Variants in FAM186A observed in about 807,000 individuals in gnomAD.
FAM186A encodes the protein family with sequence similarity 186 member A.
A neutral mutation model predicts 216.8 loss-of-function variants in FAM186A; 163 were observed. That is an observed-to-expected ratio of 0.75 (90% CI 0.66 to 0.86). The LOEUF is 0.86. FAM186A is among the 40% of genes least tolerant of loss of function. The pLI is 0.00. For synonymous variants in FAM186A, 805 were observed against 1,025.3 expected, an observed-to-expected ratio of 0.79 and a Z score of 4.10; for missense variants, 2,184 against 2,746.2, an observed-to-expected ratio of 0.80 and a Z score of 4.58.
chr12:50,378,649 T>C (rs1033777579), intron 1 of FAM186A, among the ~76,000 whole-genome samples: 14 of 147,116 alleles, frequency 9.5e-5, no homozygotes, highest in Admixed American at 2.1e-4. Flanking sequence ...TACATATATA[T>C]ACACACACAC....
At chr12:50,372,886 A>T (rs1943154768) in intron 1 of FAM186A, among the ~76,000 whole-genome samples, 1 of 143,320 alleles carries the variant, frequency 7.0e-6, no homozygotes, top group South Asian at 2.4e-4. Flanking sequence ...CCTGGGCGAC[A>T]GAGCAAGACT....
intron 1 of FAM186A, among the ~76,000 whole-genome samples, chr12:50,378,640 A>G (rs528066511): frequency 4.3e-4 from 64 of 147,856 alleles, no homozygotes; most frequent in Admixed American, 9.6e-4. Flanking sequence ...ATATACACAT[A>G]CATATATATA....
rs767531210 is a variant in FAM186A at position 50,334,083 on chromosome 12, A to C, written c.6524T>G (p.Leu2175Arg). The change falls in exon 5 of 8, where the codon CTA becomes CGA. Residue 2175 changes from leucine (L) to arginine (R), a missense_variant. Transcript: ENST00000327337. ...TTTCCCAGTATTTTGGATGGCTTTT[A>C]GTCGTTTCATTATGTTGTTCCTTGA... ...QHARNNIMKR[L>R]KAIQNTGKGY... 3.8e-5 allele frequency: 59 copies of C among 1,547,222 alleles called. No individual in the cohort carries two copies. In the East Asian group the frequency reaches 1.4e-3, roughly 37 times the overall value.
intron 3 of FAM186A, among the ~76,000 whole-genome samples, chr12:50,356,658 T>C (rs1942980077): frequency 6.6e-6 from 1 of 152,174 alleles, no homozygotes; most frequent in Non-Finnish European, 1.5e-5. Context: ...AACTCAGCTG[T>C]GACCTCAACT....
chr12:50,331,548 T>G (rs1171380783), intron 6 of FAM186A, 122 bp downstream of exon 6: 18 of 950,872 alleles, frequency 1.9e-5, no homozygotes, highest in Non-Finnish European at 2.7e-5. Flanking sequence ...AGCCTAATAC[T>G]CCTTTAGACT....
chr12:50,352,302 C>T lies in FAM186A; in HGVS notation c.4530G>A (p.Pro1510=), dbSNP rs544063110. 64 of 983,548 alleles carry T rather than the reference C, an allele frequency of 6.5e-5. 6 individuals carry two copies. The African/African-American group carries it at 1.1e-3, about 17-fold the overall frequency. 60.9% of individuals were successfully genotyped at this position (983,548 alleles called of 1,614,324 possible). Residue 1510 remains proline, a synonymous_variant, in exon 4 of 8, where the codon CCG becomes CCA. Coordinates refer to ENST00000327337, the MANE Select transcript of FAM186A (RefSeq NM_001145475.3). ...AQALGILLIP[P]QAQELGIPLT... ...GAGGGATCCCCAATTCCTGAGCCTG[C>T]GGAGGGATGAGAAGGATCCCCAGGG...
chr12:50,331,470 G>A (rs1383552851), intron 6 of FAM186A, among the ~76,000 whole-genome samples, 200 bp downstream of exon 6: 1 of 152,138 alleles, frequency 6.6e-6, no homozygotes, highest in African/African-American at 2.4e-5. Flanking sequence ...TTGAACTCCC[G>A]ACCTCAGATG....
intron 1 of FAM186A, among the ~76,000 whole-genome samples, chr12:50,395,929 CTT>C (rs557673523): frequency 4.1e-4 from 62 of 152,090 alleles, no homozygotes; most frequent in African/African-American, 1.4e-3. Flanking sequence ...GCCCAGCTAA[CTT>C]TTTGTATTTT....
Position 50,335,935 on chromosome 12 carries a change from C to T in FAM186A, c.6504-1832G>A, listed in dbSNP as rs182337518. ...GGTCAGGGGCTCCAGACCAGACTGA[C>T]CAACATGGTGAAACCCTGACTCTAC... On this transcript the variant is annotated intron_variant, in intron 4 of 7. Transcript: ENST00000327337. 5.9e-5 allele frequency among the ~76,000 whole-genome samples: 9 copies of T among 152,004 alleles called. No individual in the cohort carries two copies. The East Asian group carries it at 1.7e-3, about 29-fold the overall frequency.
chr12:50,327,453 C>T (rs1158365953), intron 7 of FAM186A, 49 bp from the exon 8 acceptor site: 1 of 1,440,636 alleles, frequency 6.9e-7, no homozygotes, highest in Non-Finnish European at 9.5e-7. Context: ...GCTTTAAACA[C>T]ATTTGTGGGA....
At chr12:50,368,348 C>CA (rs1191728855) in intron 1 of FAM186A, among the ~76,000 whole-genome samples, 1 of 150,822 alleles carries the variant, frequency 6.6e-6, no homozygotes. Context: ...TGTAGTGAGC[C>CA]ATGATTGCGC....
chr12:50,335,384 G>A (rs1158710710), intron 4 of FAM186A, among the ~76,000 whole-genome samples: 5 of 152,062 alleles, frequency 3.3e-5, no homozygotes, highest in Admixed American at 3.3e-4. Context: ...AGTGTCTCAC[G>A]CCTGTAATCC....
chr12:50,375,313 C>T (rs1052501157), intron 1 of FAM186A, among the ~76,000 whole-genome samples: 6 of 152,062 alleles, frequency 3.9e-5, no homozygotes, highest in Admixed American at 2.6e-4. Flanking sequence ...TTTGGGAGGC[C>T]AAGGTGGGTG....
chr12:50,396,515 C>A lies in FAM186A; in HGVS notation c.-31G>T. ...AAATGTGGGTGATTTCGTTTTATTT[C>A]TTCTTTTTCACAGAATCTACAAAAA... On this transcript the variant is annotated 5_prime_UTR_variant, in exon 1 of 8. Transcript: ENST00000327337. The A allele has an allele frequency of 2.0e-6, 3 of 1,524,104 alleles. No homozygotes were observed. In the South Asian group the frequency reaches 3.8e-5, roughly 19 times the overall value. 94.4% of individuals were successfully genotyped at this position (1,524,104 alleles called of 1,614,324 possible). A position where few individuals can be genotyped will look rare whatever the true frequency, so the allele number is the denominator to read the frequency against.
intron 4 of FAM186A, among the ~76,000 whole-genome samples, chr12:50,346,167 CAA>C (rs1383499606): frequency 3.2e-5 from 2 of 61,996 alleles, no homozygotes; most frequent in Admixed American, 2.0e-4. Context: ...CAGACCCCGC[CAA>C]AAAAAAAAAG....
rs1211433373 is a variant in FAM186A, at chr12:50,354,617, T to C, written c.2215A>G (p.Thr739Ala). 1 of 1,547,704 alleles carries C rather than the reference T, an allele frequency of 6.5e-7. No individual in the cohort carries two copies. Among genetic ancestry groups the C allele is most frequent in the Non-Finnish European group, 8.7e-7 (1 of 1,146,052 alleles). Residue 739 changes from threonine (T) to alanine (A), a missense_variant, in exon 4 of 8, where the codon ACA becomes GCA. Physicochemically the swap from Thr to Ala is moderately conservative, Grantham distance 58. Transcript: ENST00000327337. The stretch of plus-strand genomic sequence containing the variant: ...TCTCCAACTTGTTCTTCCTTTTTTG[T>C]ATCTTTGTATTTTCTCAAGATTTTA... ...VTKILRKYKD[T>A]KKEEQVGEKP...
chr12:50,378,503 C>A (rs12824882), intron 1 of FAM186A, among the ~76,000 whole-genome samples: 103,911 of 149,674 alleles, frequency 0.69, 43,047 homozygotes, highest in Non-Finnish European at 0.93. Flanking sequence ...GCACTCCAGC[C>A]GGGGAGACAG....
Position 50,355,157 on chromosome 12 carries a change from G to A in FAM186A, c.1675C>T (p.Arg559Cys), listed in dbSNP as rs149132556. The A allele has an allele frequency of 5.6e-4, 873 of 1,551,580 alleles. 8 individuals carry two copies. The highest frequency in any genetic ancestry group is 4.1e-3 in the South Asian group (341 of 84,028). ...KVKRESPFDK[R>C]PTAAEIKVEP... The stretch of plus-strand genomic sequence containing the variant: ...ACTTTAATCTCTGCTGCAGTTGGAC[G>A]TTTGTCAAATGGAGATTCACGTTTG... Residue 559 changes from arginine to cysteine, a missense_variant, in exon 4 of 8, where the codon CGT becomes TGT. Arg to Cys is a radical substitution (Grantham distance 180). This residue lies in a region of FAM186A where 1,132 missense variants were observed against 1,263.4 expected (regional missense o/e 0.90). Coordinates refer to ENST00000327337, the MANE Select transcript of FAM186A (RefSeq NM_001145475.3).
intron 7 of FAM186A, 115 bp downstream of exon 7, chr12:50,330,458 C>A: frequency 9.4e-7 from 1 of 1,069,282 alleles, no homozygotes. Flanking sequence ...TAACCTCATA[C>A]CAAACATTAC....
Sources: allele counts gnomAD v4.1 joint callset (sites outside exome capture counted in the v4.1 genomes callset), GRCh38; gene constraint gnomAD v4.1.1; regional missense constraint gnomAD v4.1.1; transcripts MANE v1.5; gene names NCBI Gene and HGNC (gene_info 2026-07-23, HGNC 2026-07-21).